Variants in SGCD observed in about 807,000 individuals in gnomAD.
SGCD encodes delta-sarcoglycan.
A neutral mutation model predicts 36.6 loss-of-function variants in SGCD; 18 were observed. The ratio of observed to expected loss-of-function variants is 0.49; its 90% CI spans 0.34 to 0.73. SGCD has a LOEUF of 0.73. Among genes scored for constraint, SGCD ranks in the 30% least tolerant of loss-of-function variants. The pLI is 0.01. For missense variants in SGCD, 387 were observed against 346.7 expected (o/e 1.12, Z -0.92); for synonymous variants, 133 against 130.6 (o/e 1.02, Z -0.12).
At chr5:156,706,557 C>T (rs183999801) in intron 7 of SGCD, among the ~76,000 whole-genome samples, 56 of 152,236 alleles carry the variant, frequency 3.7e-4, no homozygotes, top group South Asian at 2.1e-4. Flanking sequence ...CACACTGAAA[C>T]GTACTCCATC....
chr5:156,373,830 TTGTTTGGGTTTGTATTA>T (rs767154267), intron 3 of SGCD, among the ~76,000 whole-genome samples: 226 of 152,140 alleles, frequency 1.5e-3, no homozygotes, highest in Non-Finnish European at 2.7e-3. Flanking sequence ...ATGGATAATT[TTGTTTGGGTTTGTATTA>T]TGTTTGGATC....
At chr5:156,059,116 A>G (rs1179311962) in intron 1 of SGCD, among the ~76,000 whole-genome samples, 1 of 145,900 alleles carries the variant, frequency 6.9e-6, no homozygotes, top group African/African-American at 2.5e-5. Context: ...AATAAAAAAA[A>G]AAAAGTTTTG....
At chr5:155,796,606 C>A in the SGCD span, among the ~76,000 whole-genome samples, 1 of 151,532 alleles carries the variant, frequency 6.6e-6, no homozygotes, top group South Asian at 2.1e-4. Flanking sequence ...GAGTTTGAGA[C>A]CAGCCTGACC....
intron 1 of SGCD, among the ~76,000 whole-genome samples, chr5:156,096,673 A>G (rs1170336800): frequency 6.6e-6 from 1 of 152,188 alleles, no homozygotes; most frequent in African/African-American, 2.4e-5. Context: ...CTAAGCAAGC[A>G]TAAAATCAAA....
At chr5:155,800,750 A>G in the SGCD span, among the ~76,000 whole-genome samples, 1 of 152,170 alleles carries the variant, frequency 6.6e-6, no homozygotes, top group African/African-American at 2.4e-5. Context: ...AGTATTGGCA[A>G]TAATTCTTAC....
intron 3 of SGCD, among the ~76,000 whole-genome samples, chr5:156,181,774 G>C (rs1374891784): frequency 6.6e-6 from 1 of 152,212 alleles, no homozygotes; most frequent in Non-Finnish European, 1.5e-5. Flanking sequence ...TGGTTAGGAG[G>C]CTGGAGGAAG....
intron 3 of SGCD, among the ~76,000 whole-genome samples, chr5:156,452,977 G>A (rs76606160): frequency 6.6e-6 from 1 of 152,050 alleles, no homozygotes; most frequent in Admixed American, 6.6e-5. Flanking sequence ...AGCTACATTA[G>A]GTAGAATAGT....
chr5:156,422,169 A>C (rs1773339749), intron 3 of SGCD, among the ~76,000 whole-genome samples: 1 of 151,750 alleles, frequency 6.6e-6, no homozygotes, highest in Non-Finnish European at 1.5e-5. Context: ...CACTTGGGGG[A>C]ACTGTTTGCT....
At chr5:156,007,145 G>C (rs116400023) in intron 1 of SGCD, among the ~76,000 whole-genome samples, 1 of 152,088 alleles carries the variant, frequency 6.6e-6, no homozygotes, top group Non-Finnish European at 1.5e-5. Flanking sequence ...CTAATCCTTC[G>C]GTAAAGGGTT....
the SGCD span, among the ~76,000 whole-genome samples, chr5:155,730,832 C>G: frequency 2.0e-5 from 3 of 152,186 alleles, no homozygotes; most frequent in Non-Finnish European, 4.4e-5. Context: ...ATCCTTCCAG[C>G]CCCAATTTAG....
chr5:156,418,752 G>A (rs73812240), intron 3 of SGCD, among the ~76,000 whole-genome samples: 3,704 of 152,262 alleles, frequency 0.024, 62 homozygotes, highest in African/African-American at 0.041. Context: ...AGTATCTGCT[G>A]CAGTCTCCAG....
At position 156,733,696 on chromosome 5, in the gene SGCD, A is replaced by G. The variant is rs181829025; in HGVS notation, c.576-23885A>G. On this transcript the variant is annotated intron_variant, in intron 7 of 8. Coordinates refer to ENST00000337851, the MANE Select transcript of SGCD (RefSeq NM_000337.6). The stretch of plus-strand genomic sequence containing the variant: ...ATCTGGGTGCATATTTATTTAGGAG[A>G]GTTAGCTCTTCTTGTTAAGTTGAAC... Among the ~76,000 whole-genome samples the G allele has an allele frequency of 2.2e-4, 33 of 152,210 alleles. No individual in the cohort carries two copies. The East Asian group carries it at 6.2e-3, about 29-fold the overall frequency.
rs1353791307 is a variant in SGCD, at chr5:156,635,245, G to A, written c.503-12219G>A. On this transcript the variant is annotated intron_variant, in intron 6 of 8. Coordinates refer to ENST00000337851, the MANE Select transcript of SGCD (RefSeq NM_000337.6). ...CCCTAAAAGTTTTTTTAAAAATGGG[G>A]CTTTCTGACATTTATGCAGCCAAAA... is the stretch of plus-strand genomic sequence containing the variant. Among the ~76,000 whole-genome samples, 4 of 152,040 alleles carry A rather than the reference G, an allele frequency of 2.6e-5. No individual in the cohort carries two copies. In the South Asian group the frequency reaches 8.3e-4, roughly 32 times the overall value.
At chr5:155,993,239 C>A (rs541096088) in intron 1 of SGCD, among the ~76,000 whole-genome samples, 1 of 152,070 alleles carries the variant, frequency 6.6e-6, no homozygotes, top group Non-Finnish European at 1.5e-5. Context: ...GTTGTGTCTC[C>A]TGTTTCTGAG....
intron 3 of SGCD, among the ~76,000 whole-genome samples, chr5:156,132,440 G>C (rs980793510): frequency 7.2e-6 from 1 of 138,004 alleles, no homozygotes; most frequent in African/African-American, 2.7e-5. Flanking sequence ...CAGCGGAACT[G>C]TGGCTAACTT....
At chr5:156,423,559 T>A (rs1439526919) in intron 3 of SGCD, among the ~76,000 whole-genome samples, 3 of 150,026 alleles carry the variant, frequency 2.0e-5, no homozygotes, top group Admixed American at 1.4e-4. Flanking sequence ...ATATCTAGCA[T>A]CATTTCTTGT....
the SGCD span, among the ~76,000 whole-genome samples, chr5:155,803,344 C>A: frequency 1.3e-5 from 2 of 152,142 alleles, no homozygotes; most frequent in East Asian, 3.9e-4. Context: ...AATGAGAATA[C>A]GGGCAGGGCT....
chr5:156,071,122 C>T (rs1014389978), intron 1 of SGCD, among the ~76,000 whole-genome samples: 1 of 152,100 alleles, frequency 6.6e-6, no homozygotes, highest in African/African-American at 2.4e-5. Context: ...TTTTGTGTCT[C>T]TATTTCCTTC....
At chr5:156,547,717 C>T (rs961864330) in intron 4 of SGCD, among the ~76,000 whole-genome samples, 3 of 152,120 alleles carry the variant, frequency 2.0e-5, no homozygotes, top group African/African-American at 7.2e-5. Context: ...GCTGGGATTA[C>T]AGGCACGAGC....
Sources: allele counts gnomAD v4.1 joint callset (sites outside exome capture counted in the v4.1 genomes callset), GRCh38; gene constraint gnomAD v4.1.1; transcripts MANE v1.5; gene names NCBI Gene and HGNC (gene_info 2026-07-23, HGNC 2026-07-21).